Variants in NR2F1-AS1 observed in about 807,000 individuals in gnomAD.
The protein encoded by NR2F1-AS1 is NR2F1 regulatory antisense RNA 1, also known as NR2F1 antisense RNA 1.
chr5:93,447,285 C>A (rs1314067407), intron 4 of NR2F1-AS1, among the ~76,000 whole-genome samples: 2 of 151,652 alleles, frequency 1.3e-5, no homozygotes, highest in Non-Finnish European at 2.9e-5. Context: ...AATGGGAGAA[C>A]ATTTTTACAA....
At chr5:93,473,341 GAATA>G (rs1452888988) in intron 4 of NR2F1-AS1, among the ~76,000 whole-genome samples, 7 of 151,788 alleles carry the variant, frequency 4.6e-5, no homozygotes, top group Non-Finnish European at 8.8e-5. Flanking sequence ...TTTAGCGATA[GAATA>G]AATTAATTCT....
In NR2F1-AS1 at chr5:93,500,853, A is replaced by G. The variant is rs538875624; in HGVS notation, n.638+52908T>C. On this transcript the variant is annotated intron_variant and non_coding_transcript_variant, in intron 4 of 5. Transcript: ENST00000660523. Reference sequence around the variant, plus strand: ...AACTCCTGTACTCCTGAGCTCAGGCAATCTGCCTGCCTCGGCCTCCCAAAG... The same window carrying G: ...AACTCCTGTACTCCTGAGCTCAGGCGATCTGCCTGCCTCGGCCTCCCAAAG... 2.0e-5 allele frequency among the ~76,000 whole-genome samples: 3 copies of G among 152,262 alleles called. No homozygotes were observed. In the South Asian group the frequency reaches 6.2e-4, roughly 32 times the overall value.
intron 4 of NR2F1-AS1, among the ~76,000 whole-genome samples, chr5:93,481,720 C>T (rs1750603912): frequency 6.6e-6 from 1 of 151,738 alleles, no homozygotes; most frequent in African/African-American, 2.4e-5. Flanking sequence ...TCTACAACAA[C>T]AATGAAATGA....
chr5:93,486,311 CTGTT>C (rs1427421741), intron 4 of NR2F1-AS1, among the ~76,000 whole-genome samples: 1 of 151,850 alleles, frequency 6.6e-6, no homozygotes, highest in Non-Finnish European at 1.5e-5. Context: ...AATCCAGGAG[CTGTT>C]TTTTTTTAAA....
chr5:93,575,602 C>A (rs1193906605), intron 1 of NR2F1-AS1, among the ~76,000 whole-genome samples: 1 of 152,216 alleles, frequency 6.6e-6, no homozygotes, highest in Non-Finnish European at 1.5e-5. Flanking sequence ...TTACCTCCCA[C>A]CTGTCACACA....
chr5:93,465,929 TG>T (rs1198233671), intron 4 of NR2F1-AS1, among the ~76,000 whole-genome samples: 11 of 34,064 alleles, frequency 3.2e-4, no homozygotes, highest in Non-Finnish European at 5.2e-4. Context: ...TGTTGTGGGG[TG>T]GGGGGTTGGG....
chr5:93,559,581 T>C (rs1443010005), intron 2 of NR2F1-AS1, among the ~76,000 whole-genome samples: 2 of 152,234 alleles, frequency 1.3e-5, no homozygotes, highest in African/African-American at 4.8e-5. Context: ...AGCTTAATCA[T>C]TTCTAGCTTT....
At chr5:93,532,397 CAG>C (rs151293926) in intron 4 of NR2F1-AS1, among the ~76,000 whole-genome samples, 28 of 150,108 alleles carry the variant, frequency 1.9e-4, no homozygotes, top group Non-Finnish European at 1.8e-4. Flanking sequence ...GACACCAAGA[CAG>C]AGAGAGAGAG....
At chr5:93,547,464 T>C (rs1752115853) in intron 4 of NR2F1-AS1, among the ~76,000 whole-genome samples, 1 of 152,140 alleles carries the variant, frequency 6.6e-6, no homozygotes, top group Admixed American at 6.5e-5. Flanking sequence ...TTTCTCAGAA[T>C]CAAAACCAAA....
intron 4 of NR2F1-AS1, among the ~76,000 whole-genome samples, chr5:93,421,142 C>A (rs1465619073): frequency 6.6e-6 from 1 of 152,066 alleles, no homozygotes; most frequent in Non-Finnish European, 1.5e-5. Context: ...CTACCATATG[C>A]CCCAAATCAC....
At chr5:93,412,539 T>G (rs1472066691) in intron 4 of NR2F1-AS1, among the ~76,000 whole-genome samples, 2 of 152,230 alleles carry the variant, frequency 1.3e-5, no homozygotes, top group Non-Finnish European at 2.9e-5. Flanking sequence ...CTGACTTTAC[T>G]CTACATTGCT....
At chr5:93,497,340 T>A (rs1162597118) in intron 4 of NR2F1-AS1, among the ~76,000 whole-genome samples, 3 of 152,292 alleles carry the variant, frequency 2.0e-5, no homozygotes, top group African/African-American at 7.2e-5. Flanking sequence ...ACTCCCCTCA[T>A]CACCACAGCT....
intron 4 of NR2F1-AS1, among the ~76,000 whole-genome samples, chr5:93,485,553 G>C (rs1750695475): frequency 6.6e-6 from 1 of 152,152 alleles, no homozygotes; most frequent in Non-Finnish European, 1.5e-5. Flanking sequence ...AAAAGAACTA[G>C]AGAAGCAAGA....
chr5:93,485,389 A>C (rs909445989), intron 4 of NR2F1-AS1, among the ~76,000 whole-genome samples: 12 of 152,194 alleles, frequency 7.9e-5, no homozygotes, highest in African/African-American at 2.7e-4. Flanking sequence ...TAAGGCAGAA[A>C]TAATTAAGTT....
At chr5:93,554,202 A>G (rs1752297564) in intron 3 of NR2F1-AS1, among the ~76,000 whole-genome samples, 1 of 152,200 alleles carries the variant, frequency 6.6e-6, no homozygotes, top group Admixed American at 6.5e-5. Context: ...ACATGAAAGC[A>G]TGCCAACTTT....
At chr5:93,581,668 G>GTCTC (rs1232503527), upstream of NR2F1-AS1, among the ~76,000 whole-genome samples, 2 of 32,124 alleles carry the variant, frequency 6.2e-5, no homozygotes, top group Non-Finnish European at 6.7e-5. Context: ...CGGGGTCTCG[G>GTCTC]TCTCTCTCTC....
intron 4 of NR2F1-AS1, among the ~76,000 whole-genome samples, chr5:93,508,305 C>T (rs56410644): frequency 0.012 from 1,880 of 152,088 alleles, 49 homozygotes; most frequent in African/African-American, 0.043. Flanking sequence ...AACAGAACCA[C>T]GTATATATGG....
intron 1 of NR2F1-AS1, among the ~76,000 whole-genome samples, chr5:93,564,200 C>T (rs1464857300): frequency 7.0e-6 from 1 of 142,992 alleles, no homozygotes; most frequent in East Asian, 2.1e-4. Context: ...CTACTATTAG[C>T]AGCGTCACCC....
intron 4 of NR2F1-AS1, among the ~76,000 whole-genome samples, chr5:93,412,182 CTGT>C (rs1748871213): frequency 6.6e-6 from 1 of 152,196 alleles, no homozygotes; most frequent in Admixed American, 6.5e-5. Flanking sequence ...TGCTCAGGGG[CTGT>C]TGTCTCTCTG....
Sources: allele counts gnomAD v4.1 joint callset (sites outside exome capture counted in the v4.1 genomes callset), GRCh38; gene constraint gnomAD v4.1.1; transcripts MANE v1.5; gene names NCBI Gene and HGNC (gene_info 2026-07-23, HGNC 2026-07-21).